C22orf42: variants seen among roughly 807,000 people sequenced by gnomAD.
C22orf42 encodes chromosome 22 open reading frame 42, also known as uncharacterized protein C22orf42.
C22orf42 carries 24 observed loss-of-function variants against 31.4 expected under a neutral mutation model. That is an observed-to-expected ratio of 0.77 (90% CI 0.55 to 1.08). The LOEUF (loss-of-function observed/expected upper bound fraction) is 1.08. Among genes scored for constraint, C22orf42 ranks in the 50% least tolerant of loss-of-function variants. The probability of loss-of-function intolerance (pLI) is 0.00; values close to 1 mark genes in which losing one functional copy is unlikely to be tolerated. For synonymous variants in C22orf42, 96 were observed against 112.7 expected, an observed-to-expected ratio of 0.85 and a Z score of 0.94; for missense variants, 276 against 327.3, an observed-to-expected ratio of 0.84 and a Z score of 1.21.
chr22:32,156,900 T>C (rs924629452), intron 1 of C22orf42, among the ~76,000 whole-genome samples: 13 of 152,254 alleles, frequency 8.5e-5, no homozygotes, highest in African/African-American at 2.4e-4. Flanking sequence ...GCATTTGCAA[T>C]TGTGACAAAT....
Position 32,150,320 on chromosome 22 carries a change from A to G in C22orf42, c.653T>C (p.Met218Thr), listed in dbSNP as rs779212984. ...TCCAGACAAAGAAATGCATCTTACC[A>G]TCTCCGGTGTCATGAGGTCTTCAAG... ...VSLEDLMTPE[M>T]AKERYEDYLC... Residue 218 changes from methionine to threonine, a missense_variant and splice_region_variant, in exon 7 of 9, where the codon ATG becomes ACG. Physicochemically the swap from Met to Thr is moderately conservative, Grantham distance 81. Transcript: ENST00000382097. 2 of 1,613,030 alleles carry G rather than the reference A, an allele frequency of 1.2e-6. No homozygotes were observed. The highest frequency in any genetic ancestry group is 4.5e-5 in the East Asian group (2 of 44,866).
intron 1 of C22orf42, among the ~76,000 whole-genome samples, chr22:32,158,693 G>C (rs1162315174): frequency 6.6e-6 from 1 of 152,204 alleles, no homozygotes; most frequent in Non-Finnish European, 1.5e-5. Context: ...CAGACCAGCT[G>C]GATGGGTAAG....
At chr22:32,158,494 A>G (rs1921398311) in intron 1 of C22orf42, among the ~76,000 whole-genome samples, 1 of 152,220 alleles carries the variant, frequency 6.6e-6, no homozygotes, top group Non-Finnish European at 1.5e-5. Flanking sequence ...GAAGAAGTAA[A>G]GCAGCTTCTG....
intron 1 of C22orf42, among the ~76,000 whole-genome samples, chr22:32,155,515 T>C (rs1921213470): frequency 6.6e-6 from 1 of 151,276 alleles, no homozygotes; most frequent in South Asian, 2.1e-4. Context: ...CCCAGTCCTG[T>C]GCACACTCAC....
At chr22:32,155,637 T>C (rs1461966279) in intron 1 of C22orf42, among the ~76,000 whole-genome samples, 1 of 151,794 alleles carries the variant, frequency 6.6e-6, no homozygotes, top group Non-Finnish European at 1.5e-5. Context: ...TTTTAATCAA[T>C]GTTGTGACCA....
At chr22:32,151,933 C>T in intron 4 of C22orf42, 134 bp downstream of exon 4, 1 of 889,110 alleles carries the variant, frequency 1.1e-6, no homozygotes, top group Non-Finnish European at 1.8e-6. Flanking sequence ...TAAAGAGGTT[C>T]TAAGATTAGA....
upstream of C22orf42, chr22:32,160,434 A>G (rs1251166108): frequency 1.3e-5 from 2 of 152,244 alleles, no homozygotes; most frequent in Admixed American, 1.3e-4. Context: ...GCAGATGAGC[A>G]AACAAAGGCT....
chr22:32,158,853 G>T (rs1921417182), intron 1 of C22orf42, 131 bp downstream of exon 1: 8 of 1,019,866 alleles, frequency 7.8e-6, no homozygotes, highest in African/African-American at 1.6e-5. Flanking sequence ...GCCTAGCCCT[G>T]GGAAAGCCGG....
At chr22:32,155,487 C>A (rs1296643300) in intron 1 of C22orf42, among the ~76,000 whole-genome samples, 3 of 151,382 alleles carry the variant, frequency 2.0e-5, no homozygotes, top group Non-Finnish European at 2.9e-5. Context: ...CACAGCATAC[C>A]ATGGAGCTGC....
rs765440722 is a variant in C22orf42 at position 32,152,059 on chromosome 22, AT to A, written c.400+7del. ...GTAAATAAAGCTGTTTAAAAAAAAA[AT>A]ACGTACGGTGGTCGTGCTTGGCCTC... On this transcript the variant is annotated splice_region_variant and intron_variant, in intron 4 of 8. Transcript: ENST00000382097. 2 of 1,600,082 alleles carry A rather than the reference AT, an allele frequency of 1.2e-6. No homozygotes were observed. The highest frequency in any genetic ancestry group is 1.4e-5 in the African/African-American group (1 of 73,814).
rs1344697657 is a variant in C22orf42 at position 32,149,158 on chromosome 22, ATAT to A, written c.*379_*381del. 6.3e-6 allele frequency: 1 copy of A among 158,454 alleles called. No homozygotes were observed. The highest frequency in any genetic ancestry group is 1.4e-5 in the Non-Finnish European group (1 of 71,646). The allele number at this position is 158,454 out of a possible 1,614,324, so 9.8% of individuals were successfully genotyped here. ...CTAGCACAAAATAAGGAGTCAGTTA[ATAT>A]TAGTTCTTCTTCCTCCACCAGCTCA... is the stretch of plus-strand genomic sequence containing the variant. On this transcript the variant is annotated 3_prime_UTR_variant, in exon 9 of 9. Transcript: ENST00000382097.
In C22orf42 at chr22:32,149,766, A is replaced by G; in HGVS notation, c.669T>C (p.Tyr223=). The change falls in exon 8 of 9, where the codon TAT becomes TAC. Residue 223 remains tyrosine, a synonymous_variant. Coordinates refer to ENST00000382097, the MANE Select transcript of C22orf42 (RefSeq NM_001010859.3). ...LMTPEMAKER[Y]EDYLCWVKMA... is the part of the protein sequence containing the mutation. ...ATATATACTTACAGAGGTAATCTTC[A>G]TATCTCTCCTTTGCCTGCAATAGGA... The G allele has an allele frequency of 3.4e-6, 5 of 1,478,434 alleles. No homozygotes were observed. Among genetic ancestry groups the G allele is most frequent in the Non-Finnish European group, 4.5e-6 (5 of 1,111,334 alleles). The allele number at this position is 1,478,434 out of a possible 1,614,324, so 91.6% of individuals were successfully genotyped here.
chr22:32,151,682 T>G (rs1479552821), intron 4 of C22orf42, 131 bp from the exon 5 acceptor site: 2 of 824,048 alleles, frequency 2.4e-6, no homozygotes, highest in Non-Finnish European at 2.1e-6. Flanking sequence ...GAGCTGCTGC[T>G]GGACCATTCT....
At chr22:32,150,896 G>T in intron 6 of C22orf42, 96 bp downstream of exon 6, 1 of 1,279,986 alleles carries the variant, frequency 7.8e-7, no homozygotes, top group East Asian at 2.4e-5. Flanking sequence ...ACAACCCTGT[G>T]AATATAGTAA....
rs376533614 is a variant in C22orf42 at position 32,152,344 on chromosome 22, A to G, written c.372+218T>C. Among the ~76,000 whole-genome samples, 1,410 of 152,298 alleles carry G rather than the reference A, an allele frequency of 9.3e-3. 30 individuals carry two copies. The highest frequency in any genetic ancestry group is 0.032 in the African/African-American group (1,349 of 41,562). On this transcript the variant is annotated intron_variant, in intron 3 of 8. Transcript: ENST00000382097. ...AAGGAGAAAAGGTTGCTACTGAGAA[A>G]TACACTCACTACCAAACAGTTTGTA...
chr22:32,154,923 C>G (rs1466790241), intron 1 of C22orf42, among the ~76,000 whole-genome samples: 1 of 152,178 alleles, frequency 6.6e-6, no homozygotes, highest in Non-Finnish European at 1.5e-5. Context: ...TCACTGTTTC[C>G]ATGGGCATGA....
intron 2 of C22orf42, 76 bp from the exon 3 acceptor site, chr22:32,152,702 C>T: frequency 1.4e-6 from 2 of 1,440,816 alleles, no homozygotes; most frequent in Non-Finnish European, 2.0e-6. Context: ...GGGATGTGGA[C>T]CGGGGCTGGA....
Position 32,158,678 on chromosome 22 carries a change from G to C in C22orf42, c.232+306C>G, listed in dbSNP as rs546313306. Among the ~76,000 whole-genome samples, 15 of 152,314 alleles carry C rather than the reference G, an allele frequency of 9.8e-5. No homozygotes were observed. The South Asian group carries it at 3.1e-3, about 32-fold the overall frequency. The stretch of plus-strand genomic sequence containing the variant: ...GGCCCTTAACTGGCTCCTTCACTTA[G>C]GTACCAGACCAGCTGGATGGGTAAG... On this transcript the variant is annotated intron_variant, in intron 1 of 8. Coordinates refer to ENST00000382097, the MANE Select transcript of C22orf42 (RefSeq NM_001010859.3).
intron 6 of C22orf42, 78 bp from the exon 7 acceptor site, chr22:32,150,557 G>A (rs2094111133): frequency 1.0e-5 from 15 of 1,485,556 alleles, no homozygotes; most frequent in Non-Finnish European, 1.4e-5. Flanking sequence ...TGTGGACCAG[G>A]GCTGGATCAT....
Sources: allele counts gnomAD v4.1 joint callset (sites outside exome capture counted in the v4.1 genomes callset), GRCh38; gene constraint gnomAD v4.1.1; transcripts MANE v1.5; gene names NCBI Gene and HGNC (gene_info 2026-07-23, HGNC 2026-07-21).